ZSCAN25: variants seen among roughly 807,000 people sequenced by gnomAD.
The protein encoded by ZSCAN25 is zinc finger and SCAN domain-containing protein 25.
Under a neutral mutation model 38.7 loss-of-function variants are expected in ZSCAN25, and 27 were observed. That is an observed-to-expected ratio of 0.70 (90% confidence interval 0.51 to 0.96). The LOEUF is 0.96. Ranked by LOEUF, ZSCAN25 falls within the 40% of genes least tolerant of loss-of-function variation. ZSCAN25 has a pLI of 0.00. For synonymous variants in ZSCAN25, 273 were observed against 277.7 expected, an observed-to-expected ratio of 0.98 and a Z score of 0.17; for missense variants, 637 against 705.9, an observed-to-expected ratio of 0.90 and a Z score of 1.11.
chr7:99,717,989 G>A, the ZSCAN25 span, among the ~76,000 whole-genome samples: 1 of 152,136 alleles, frequency 6.6e-6, no homozygotes, highest in South Asian at 2.1e-4. Context: ...TGCCTCAGAC[G>A]AGCTCTGTCT....
chr7:99,730,886 G>A, the ZSCAN25 span: 2 of 796,652 alleles, frequency 2.5e-6, no homozygotes, highest in Admixed American at 2.9e-5. Flanking sequence ...GTTCCTGAGA[G>A]TTAGCAAGAG....
chr7:99,706,316 T>C, the ZSCAN25 span, among the ~76,000 whole-genome samples: 1 of 152,176 alleles, frequency 6.6e-6, no homozygotes, highest in Non-Finnish European at 1.5e-5. Context: ...AAGTGCCAGC[T>C]TGGGACTTCC....
intron 5 of ZSCAN25, 75 bp downstream of exon 5, chr7:99,621,649 C>G: frequency 2.5e-6 from 3 of 1,205,914 alleles, no homozygotes; most frequent in Non-Finnish European, 3.2e-6. Context: ...TTCAGAAACC[C>G]AGCAATGGAG....
chr7:99,669,414 G>A, the ZSCAN25 span, among the ~76,000 whole-genome samples: 3 of 152,192 alleles, frequency 2.0e-5, no homozygotes, highest in East Asian at 3.8e-4. Context: ...GTAAAACCTA[G>A]TTATGTGGTA....
the ZSCAN25 span, among the ~76,000 whole-genome samples, chr7:99,641,071 A>G: frequency 6.6e-6 from 1 of 152,164 alleles, no homozygotes; most frequent in Admixed American, 6.5e-5. Context: ...GAGCTTTTAG[A>G]TAGAGATTGG....
the ZSCAN25 span, among the ~76,000 whole-genome samples, chr7:99,643,802 G>A: frequency 5.3e-5 from 8 of 151,562 alleles, no homozygotes; most frequent in Non-Finnish European, 1.2e-4. Context: ...CTGAGTTGAA[G>A]ACCTGTGGGT....
chr7:99,719,418 C>T, the ZSCAN25 span, among the ~76,000 whole-genome samples: 12 of 152,156 alleles, frequency 7.9e-5, no homozygotes, highest in Non-Finnish European at 1.3e-4. Context: ...TGGACAACTA[C>T]AAGCCACAAA....
At chr7:99,638,605 T>A in the ZSCAN25 span, 3 of 1,583,130 alleles carry the variant, frequency 1.9e-6, no homozygotes, top group African/African-American at 4.0e-5. Flanking sequence ...GACATTTTTG[T>A]AAGTCACTGT....
At chr7:99,635,908 G>T (rs562874705), downstream of ZSCAN25, among the ~76,000 whole-genome samples, 2 of 152,006 alleles carry the variant, frequency 1.3e-5, no homozygotes, top group African/African-American at 2.4e-5. Context: ...TTAGCCGGGC[G>T]TGGTGGCGGG....
At chr7:99,664,404 T>C in the ZSCAN25 span, among the ~76,000 whole-genome samples, 57 of 152,366 alleles carry the variant, frequency 3.7e-4, no homozygotes, top group African/African-American at 1.2e-3. Context: ...TGGATTAATG[T>C]AGACCATAAT....
At chr7:99,707,676 A>C in the ZSCAN25 span, 1 of 1,409,788 alleles carries the variant, frequency 7.1e-7, no homozygotes, top group South Asian at 1.3e-5. Context: ...AAGATCATAG[A>C]TGGGTCCAAA....
chr7:99,669,046 A>T, the ZSCAN25 span, among the ~76,000 whole-genome samples: 6 of 152,356 alleles, frequency 3.9e-5, no homozygotes, highest in South Asian at 1.2e-3. Context: ...TAATTTCCAT[A>T]ATAAAAGTAA....
chr7:99,642,594 T>C, the ZSCAN25 span, among the ~76,000 whole-genome samples: 1 of 152,212 alleles, frequency 6.6e-6, no homozygotes, highest in African/African-American at 2.4e-5. Context: ...TTTTAGCCAC[T>C]AAGTATGAGT....
At chr7:99,660,255 T>G in the ZSCAN25 span, 1 of 879,002 alleles carries the variant, frequency 1.1e-6, no homozygotes, top group Non-Finnish European at 1.4e-6. Context: ...TACTTAGCAT[T>G]ATTGTGATAA....
chr7:99,632,989 G>GTTTTTTTTTTTTTTTTTTTTT (rs751799800), downstream of ZSCAN25, among the ~76,000 whole-genome samples: 1 of 128,528 alleles, frequency 7.8e-6, no homozygotes, highest in African/African-American at 3.0e-5. Context: ...ATTTTCTGTT[G>GTTTTTTTTTTTTTTTTTTTTT]TTTTTTTTTT....
the ZSCAN25 span, among the ~76,000 whole-genome samples, chr7:99,669,776 T>G: frequency 6.6e-6 from 1 of 152,120 alleles, no homozygotes; most frequent in African/African-American, 2.4e-5. Flanking sequence ...AATCAAGAGA[T>G]TTATATGAAG....
At chr7:99,644,290 T>C in the ZSCAN25 span, among the ~76,000 whole-genome samples, 1 of 152,102 alleles carries the variant, frequency 6.6e-6, no homozygotes, top group African/African-American at 2.4e-5. Context: ...TGGGGTGCAC[T>C]TGACTGATGC....
chr7:99,624,418 A>G (rs942750409), intron 7 of ZSCAN25: 5 of 539,496 alleles, frequency 9.3e-6, no homozygotes, highest in Non-Finnish European at 1.7e-5. Context: ...CAGGTCGGTC[A>G]TGAGGACCCC....
the ZSCAN25 span, among the ~76,000 whole-genome samples, chr7:99,678,489 T>C: frequency 6.6e-6 from 1 of 152,128 alleles, no homozygotes; most frequent in African/African-American, 2.4e-5. Flanking sequence ...GCCGGACAGG[T>C]ATATTTGAAA....
Sources: allele counts gnomAD v4.1 joint callset (sites outside exome capture counted in the v4.1 genomes callset), GRCh38; gene constraint gnomAD v4.1.1; transcripts MANE v1.5; gene names NCBI Gene and HGNC (gene_info 2026-07-23, HGNC 2026-07-21).